Variants in ITCH observed in about 807,000 individuals in gnomAD.
ITCH encodes E3 ubiquitin-protein ligase Itchy homolog.
In ITCH, 28 loss-of-function variants were observed where a neutral mutation model predicts 126.8. The observed-to-expected ratio is 0.22, with a 90% CI of 0.16 to 0.30. The LOEUF is 0.30. Among genes scored for constraint, ITCH ranks in the 10% least tolerant of loss-of-function variants. The pLI is 1.00. For missense variants in ITCH, 631 were observed against 1,032.4 expected (o/e 0.61, Z 5.33); for synonymous variants, 342 against 340.0 (o/e 1.01, Z -0.06).
At chr20:34,496,027 G>A (rs557969805) in intron 23 of ITCH, among the ~76,000 whole-genome samples, 36 of 152,056 alleles carry the variant, frequency 2.4e-4, no homozygotes, top group African/African-American at 8.7e-4. Flanking sequence ...GAAACTGGGA[G>A]GCAGAGGTTG....
At chr20:34,444,392 T>A (rs1326389139) in intron 10 of ITCH, among the ~76,000 whole-genome samples, 8 of 152,178 alleles carry the variant, frequency 5.3e-5, no homozygotes. Flanking sequence ...GAGGGCCGCC[T>A]GACCAACATG....
chr20:34,416,036 C>T (rs1979788479), intron 6 of ITCH, among the ~76,000 whole-genome samples: 1 of 151,972 alleles, frequency 6.6e-6, no homozygotes, highest in South Asian at 2.1e-4. Context: ...GCAGGAGAAT[C>T]TCTTGAAACC....
intron 6 of ITCH, among the ~76,000 whole-genome samples, chr20:34,422,247 A>G (rs1180981303): frequency 6.6e-6 from 1 of 152,254 alleles, no homozygotes; most frequent in Non-Finnish European, 1.5e-5. Flanking sequence ...CACAAAGTAC[A>G]TGATAAAGCT....
At chr20:34,435,981 TC>T (rs1982953993) in intron 7 of ITCH, among the ~76,000 whole-genome samples, 1 of 152,160 alleles carries the variant, frequency 6.6e-6, no homozygotes, top group African/African-American at 2.4e-5. Context: ...ATTCTAAGTA[TC>T]AAGGAAATTT....
At chr20:34,430,467 A>G (rs989773040) in intron 7 of ITCH, among the ~76,000 whole-genome samples, 8 of 150,982 alleles carry the variant, frequency 5.3e-5, no homozygotes, top group African/African-American at 1.9e-4. Flanking sequence ...AAATAATTTG[A>G]TTTTGTTCTG....
rs200033034 is a variant in ITCH at position 34,381,277 on chromosome 20, G to GT, written c.-22+11815dup. ...TATCTGGACGTGGTGGTGTGTGCCTGTTTTTTTTGTTTGTTTGTTTTTTGA... is the reference window on the plus strand; with the variant it reads ...TATCTGGACGTGGTGGTGTGTGCCTGTTTTTTTTTGTTTGTTTGTTTTTTGA... On this transcript the variant is annotated intron_variant, in intron 2 of 24. Coordinates refer to ENST00000374864, the MANE Select transcript of ITCH (RefSeq NM_031483.7). 9.1e-3 allele frequency among the ~76,000 whole-genome samples: 1,365 copies of GT among 149,508 alleles called. 16 individuals carry two copies. Among genetic ancestry groups the GT allele is most frequent in the African/African-American group, 0.029 (1,177 of 40,762 alleles).
In ITCH at chr20:34,440,246, T is replaced by C. The variant is rs760288785; in HGVS notation, c.771T>C (p.Ser257=). 3.1e-6 allele frequency: 5 copies of C among 1,613,656 alleles called. No homozygotes were observed. The highest frequency in any genetic ancestry group is 4.2e-6 in the Non-Finnish European group (5 of 1,179,532). Reference sequence around the variant, plus strand: ...CGACAAATACAAATACAAATACATCTGAAGGAGCAACATCTGGATTAATAA... The same window carrying C: ...CGACAAATACAAATACAAATACATCCGAAGGAGCAACATCTGGATTAATAA... ...LPPTNTNTNT[S]EGATSGLIIP... The change falls in exon 9 of 25, where the codon TCT becomes TCC. Residue 257 remains serine, a synonymous_variant. Transcript: ENST00000374864.
At position 34,420,226 on chromosome 20, in the gene ITCH, G is replaced by GA. The variant is rs1158368311; in HGVS notation, c.476-4246dup. Among the ~76,000 whole-genome samples the GA allele has an allele frequency of 4.6e-5, 7 of 151,828 alleles. No homozygotes were observed. In the South Asian group the frequency reaches 1.3e-3, roughly 27 times the overall value. On this transcript the variant is annotated intron_variant, in intron 6 of 24. Transcript: ENST00000374864. ...GTTTCAGATCTTTCTTGTCACCTTA[G>GA]AAAAAAAACCCCATTTCTTTCTTCT...
intron 2 of ITCH, among the ~76,000 whole-genome samples, chr20:34,371,432 C>T (rs1162858056): frequency 1.3e-5 from 2 of 151,550 alleles, no homozygotes; most frequent in Non-Finnish European, 2.9e-5. Context: ...GCCAGGCGTG[C>T]ACCCACCACA....
At chr20:34,442,378 A>G in intron 10 of ITCH, 75 bp downstream of exon 10, 2 of 1,093,968 alleles carry the variant, frequency 1.8e-6, no homozygotes, top group Non-Finnish European at 2.8e-6. Context: ...TCTTCCCTAC[A>G]TTTCTGTTTT....
At position 34,393,810 on chromosome 20, in the gene ITCH, G is replaced by T. The variant is rs1221555608; in HGVS notation, c.-2G>T. 1.9e-6 allele frequency: 3 copies of T among 1,612,124 alleles called. No homozygotes were observed. Among genetic ancestry groups the T allele is most frequent in the Admixed American group, 1.7e-5 (1 of 59,980 alleles). On this transcript the variant is annotated 5_prime_UTR_variant, in exon 3 of 25. Coordinates refer to ENST00000374864, the MANE Select transcript of ITCH (RefSeq NM_031483.7). Reference sequence around the variant, plus strand: ...GTTCAGGTTTTCCAACCTATTGGTGGTATGTCTGACAGTGGATCACAACTT... The same window carrying T: ...GTTCAGGTTTTCCAACCTATTGGTGTTATGTCTGACAGTGGATCACAACTT...
At chr20:34,375,696 ATTTTTTTTTTTTTTTTTT>A (rs5841171) in intron 2 of ITCH, among the ~76,000 whole-genome samples, 8 of 65,556 alleles carry the variant, frequency 1.2e-4, no homozygotes, top group East Asian at 5.2e-4. Flanking sequence ...GGTAGTTAAA[ATTTTTTTTTTTTTTTTTT>A]TTTTTTTTTT....
chr20:34,482,311 G>A (rs1485496460), intron 20 of ITCH, among the ~76,000 whole-genome samples: 2 of 152,150 alleles, frequency 1.3e-5, no homozygotes, highest in Non-Finnish European at 2.9e-5. Flanking sequence ...TAACTCAAAA[G>A]TCCACAGTCC....
chr20:34,456,085 G>GTA (rs1331847048), intron 12 of ITCH, among the ~76,000 whole-genome samples: 2 of 139,938 alleles, frequency 1.4e-5, no homozygotes, highest in Admixed American at 7.4e-5. Flanking sequence ...TCCTTATTTT[G>GTA]TATATATATG....
chr20:34,398,020 T>G (rs973646377), intron 3 of ITCH, among the ~76,000 whole-genome samples: 2 of 151,714 alleles, frequency 1.3e-5, no homozygotes, highest in Admixed American at 6.6e-5. Flanking sequence ...ACTGTGATGA[T>G]AAACACTAAT....
In ITCH at chr20:34,437,798, G is replaced by A. The variant is rs6059838; in HGVS notation, c.522-676G>A. Among the ~76,000 whole-genome samples, 234 of 152,278 alleles carry A rather than the reference G, an allele frequency of 1.5e-3. 2 individuals carry two copies. The highest frequency in any genetic ancestry group is 5.1e-3 in the African/African-American group (211 of 41,558). On this transcript the variant is annotated intron_variant, in intron 7 of 24. Transcript: ENST00000374864. ...GCCCCTCTGGAAGGAAAAGGAATCA[G>A]CTATATTTAGCCAACAGTAGCAGTA... is the stretch of plus-strand genomic sequence containing the variant.
At chr20:34,390,686 G>A (rs1452382659) in intron 2 of ITCH, among the ~76,000 whole-genome samples, 1 of 151,826 alleles carries the variant, frequency 6.6e-6, no homozygotes, top group Admixed American at 6.6e-5. Context: ...CTGACCTCAG[G>A]TGATCCACCT....
chr20:34,373,874 A>G (rs1034076074), intron 2 of ITCH, among the ~76,000 whole-genome samples: 1 of 151,986 alleles, frequency 6.6e-6, no homozygotes. Flanking sequence ...GTCAGTTACA[A>G]GAGAACATTT....
chr20:34,367,355 G>A (rs1371792624), intron 1 of ITCH, among the ~76,000 whole-genome samples: 1 of 152,148 alleles, frequency 6.6e-6, no homozygotes, highest in Non-Finnish European at 1.5e-5. Flanking sequence ...ACCAAGCCTG[G>A]CTAATTTAGA....
Sources: gnomAD v4.1 joint callset for allele counts (sites outside exome capture counted in the v4.1 genomes callset) on GRCh38, gnomAD v4.1.1 for gene constraint, MANE v1.5 for transcripts, NCBI Gene and HGNC (gene_info 2026-07-23, HGNC 2026-07-21) for gene names.